Variants in NOL4 observed in about 807,000 individuals in gnomAD.
NOL4 encodes cancer/testis antigen 125.
Under a neutral mutation model 75.9 loss-of-function variants are expected in NOL4, and 17 were observed. That is an observed-to-expected ratio of 0.22 (90% CI 0.15 to 0.34). NOL4 has a LOEUF of 0.34. Among genes scored for constraint, NOL4 ranks in the 10% least tolerant of loss-of-function variants. The pLI is 1.00. For synonymous variants in NOL4, 292 were observed against 289.9 expected (o/e 1.01, Z -0.07); for missense variants, 614 against 793.5 (o/e 0.77, Z 2.72).
chr18:34,115,445 C>T (rs1011149901), intron 2 of NOL4, among the ~76,000 whole-genome samples: 5 of 152,054 alleles, frequency 3.3e-5, no homozygotes, highest in Non-Finnish European at 5.9e-5. Flanking sequence ...ACTACAGACA[C>T]AATCTACCAT....
chr18:33,911,401 C>G (rs2066394384), intron 9 of NOL4, among the ~76,000 whole-genome samples: 1 of 152,012 alleles, frequency 6.6e-6, no homozygotes, highest in Admixed American at 6.6e-5. Flanking sequence ...TAAATTGACC[C>G]TCTACAATAT....
intron 1 of NOL4, among the ~76,000 whole-genome samples, chr18:34,165,795 CTTTT>C (rs1291783625): frequency 6.6e-6 from 1 of 151,592 alleles, no homozygotes; most frequent in Admixed American, 6.6e-5. Context: ...TTTTCTTCTG[CTTTT>C]TTTAACTTTT....
intron 9 of NOL4, among the ~76,000 whole-genome samples, chr18:33,924,984 T>A (rs189164348): frequency 5.7e-4 from 87 of 152,270 alleles, no homozygotes; most frequent in Non-Finnish European, 8.8e-4. Context: ...ATCCCCCAAG[T>A]ATCATTTATG....
intron 6 of NOL4, among the ~76,000 whole-genome samples, chr18:33,979,436 T>G (rs552909713): frequency 6.6e-6 from 1 of 152,204 alleles, no homozygotes; most frequent in Non-Finnish European, 1.5e-5. Flanking sequence ...TTTAACCTAT[T>G]TATAAAATGT....
chr18:34,166,236 G>A lies in NOL4; in HGVS notation c.265-36216C>T, dbSNP rs151079952. On this transcript the variant is annotated intron_variant, in intron 1 of 10. Coordinates refer to ENST00000261592, the MANE Select transcript of NOL4 (RefSeq NM_003787.5). ...CAGAATATAACATTATAGTTTATCTGAGCCAGTGGATACCAAGGAATTTAT... is the reference window on the plus strand; with the variant it reads ...CAGAATATAACATTATAGTTTATCTAAGCCAGTGGATACCAAGGAATTTAT... Among the ~76,000 whole-genome samples, 55 of 152,214 alleles carry A rather than the reference G, an allele frequency of 3.6e-4. No individual in the cohort carries two copies. The East Asian group carries it at 9.4e-3, about 26-fold the overall frequency.
chr18:34,147,539 AC>A (rs2081455536), intron 1 of NOL4, among the ~76,000 whole-genome samples: 1 of 152,142 alleles, frequency 6.6e-6, no homozygotes, highest in African/African-American at 2.4e-5. Context: ...CGTATGTTGA[AC>A]CAGCCTTGCA....
chr18:33,972,202 G>T (rs1438677527), intron 6 of NOL4, among the ~76,000 whole-genome samples: 1 of 150,462 alleles, frequency 6.6e-6, no homozygotes, highest in Non-Finnish European at 1.5e-5. Context: ...TTAGTCCAAA[G>T]ATTAAATCAT....
At chr18:34,055,198 A>G (rs1600416658) in intron 5 of NOL4, among the ~76,000 whole-genome samples, 1 of 151,926 alleles carries the variant, frequency 6.6e-6, no homozygotes, top group Non-Finnish European at 1.5e-5. Flanking sequence ...TTATAATAAT[A>G]CTAGTTCCTA....
At chr18:33,875,652 T>C (rs2063900202) in intron 10 of NOL4, among the ~76,000 whole-genome samples, 1 of 152,030 alleles carries the variant, frequency 6.6e-6, no homozygotes, top group Non-Finnish European at 1.5e-5. Flanking sequence ...TGCCTCCAAT[T>C]GCTTTGATTT....
intron 6 of NOL4, among the ~76,000 whole-genome samples, chr18:33,986,628 A>G (rs2072478135): frequency 6.6e-6 from 1 of 152,154 alleles, no homozygotes; most frequent in African/African-American, 2.4e-5. Context: ...AGCCAAACCA[A>G]AGATCGGGGG....
At chr18:34,097,840 AAT>A (rs1177472273) in intron 4 of NOL4, among the ~76,000 whole-genome samples, 1 of 152,188 alleles carries the variant, frequency 6.6e-6, no homozygotes, top group Non-Finnish European at 1.5e-5. Flanking sequence ...CTAGTCAAGT[AAT>A]ATAAATATAT....
intron 5 of NOL4, among the ~76,000 whole-genome samples, chr18:34,062,374 C>A (rs953154002): frequency 5.9e-5 from 9 of 151,990 alleles, no homozygotes; most frequent in Admixed American, 1.3e-4. Context: ...AAATGTAACA[C>A]TGAATAATGC....
At chr18:34,056,996 T>C (rs2076859554) in intron 5 of NOL4, among the ~76,000 whole-genome samples, 1 of 152,214 alleles carries the variant, frequency 6.6e-6, no homozygotes, top group Non-Finnish European at 1.5e-5. Flanking sequence ...TTTAGTAGAA[T>C]GCAATACAAC....
At chr18:34,115,625 C>T (rs983987258) in intron 2 of NOL4, among the ~76,000 whole-genome samples, 7 of 152,090 alleles carry the variant, frequency 4.6e-5, no homozygotes, top group Non-Finnish European at 7.4e-5. Context: ...ACACCTAGTC[C>T]TAATAGGTTT....
intron 10 of NOL4, among the ~76,000 whole-genome samples, chr18:33,853,752 G>T (rs144940036): frequency 6.6e-6 from 1 of 151,888 alleles, no homozygotes; most frequent in Non-Finnish European, 1.5e-5. Flanking sequence ...ACTGACTTAC[G>T]TGTTTAGGAA....
At chr18:33,996,835 T>C (rs1406696530) in intron 6 of NOL4, among the ~76,000 whole-genome samples, 1 of 151,882 alleles carries the variant, frequency 6.6e-6, no homozygotes. Flanking sequence ...CTTGATTCCA[T>C]GTCTTTGCTA....
At chr18:34,222,391 C>T in intron 1 of NOL4, 1 of 1,150,880 alleles carries the variant, frequency 8.7e-7, no homozygotes, top group Non-Finnish European at 1.1e-6. Context: ...ACAATCTCAA[C>T]AGTCGCGGCA....
chr18:34,160,786 C>T (rs2031345148), intron 1 of NOL4, among the ~76,000 whole-genome samples: 1 of 152,092 alleles, frequency 6.6e-6, no homozygotes, highest in Admixed American at 6.5e-5. Flanking sequence ...TGAGCAAATT[C>T]ATCACCTCAA....
At chr18:33,953,128 C>A (rs1382674596) in intron 8 of NOL4, among the ~76,000 whole-genome samples, 1 of 151,458 alleles carries the variant, frequency 6.6e-6, no homozygotes, top group Non-Finnish European at 1.5e-5. Context: ...ACTTTAAAAT[C>A]TGGAAGCATT....
Sources: allele counts gnomAD v4.1 joint callset (sites outside exome capture counted in the v4.1 genomes callset), GRCh38; gene constraint gnomAD v4.1.1; transcripts MANE v1.5; gene names NCBI Gene and HGNC (gene_info 2026-07-23, HGNC 2026-07-21).